SLC44A4: variants seen among roughly 807,000 people sequenced by gnomAD.
SLC44A4 encodes the protein choline transporter-like protein 4.
SLC44A4 carries 74 observed loss-of-function variants against 97.0 expected under a neutral mutation model. The observed-to-expected ratio is 0.76, with a 90% CI of 0.63 to 0.93. SLC44A4 has a LOEUF of 0.93. Ranked by LOEUF, SLC44A4 falls within the 40% of genes least tolerant of loss-of-function variation. The pLI is 0.00. For synonymous variants in SLC44A4, 325 were observed against 363.8 expected, an observed-to-expected ratio of 0.89 and a Z score of 1.21; for missense variants, 799 against 902.9, an observed-to-expected ratio of 0.88 and a Z score of 1.48.
chr6:31,867,314 C>T (rs1251375384), intron 13 of SLC44A4, among the ~76,000 whole-genome samples: 1 of 150,816 alleles, frequency 6.6e-6, no homozygotes, highest in Non-Finnish European at 1.5e-5. Context: ...AGGTTGGTCT[C>T]GAACTCTGGA....
In SLC44A4 at chr6:31,865,851, C is replaced by G; in HGVS notation, c.1487+22G>C. On this transcript the variant is annotated intron_variant, in intron 14 of 20. Coordinates refer to ENST00000229729, the MANE Select transcript of SLC44A4 (RefSeq NM_025257.3). The surrounding 1 kb of genome is among the most constrained non-coding windows in gnomAD (Gnocchi z 5.2). Reference sequence around the variant, plus strand: ...CTGGGGCCCCCGTGCCTACAATGACCAGGCCCCTGCCCCATCCTTACCGGA... The same window carrying G: ...CTGGGGCCCCCGTGCCTACAATGACGAGGCCCCTGCCCCATCCTTACCGGA... 1 of 1,613,976 alleles carries G rather than the reference C, an allele frequency of 6.2e-7. No homozygotes were observed. The highest frequency in any genetic ancestry group is 1.3e-5 in the African/African-American group (1 of 75,020).
Position 31,870,687 on chromosome 6 carries a change from A to G in SLC44A4, c.953T>C (p.Val318Ala). 1.2e-6 allele frequency: 2 copies of G among 1,611,448 alleles called. No individual in the cohort carries two copies. The highest frequency in any genetic ancestry group is 1.7e-6 in the Non-Finnish European group (2 of 1,179,266). ...TWLAALIVLA[V>A]LEAILLLMLI... ...CATCAGCAGCAGGATGGCTTCAAGC[A>G]CCGCCAACACGATCACTGCAGAGGA... The change falls in exon 11 of 21, where the codon GTG (valine) becomes GCG (alanine). Residue 318 changes from valine to alanine, a missense_variant. By Grantham distance (64) the Val-to-Ala change is moderately conservative. Around this residue, in one of 3 missense-constraint regions of SLC44A4, gnomAD observed 409 missense variants for 434.1 expected, o/e 0.94. Coordinates refer to ENST00000229729, the MANE Select transcript of SLC44A4 (RefSeq NM_025257.3).
intron 13 of SLC44A4, among the ~76,000 whole-genome samples, chr6:31,868,291 G>A (rs1044788372): frequency 6.6e-6 from 1 of 152,182 alleles, no homozygotes; most frequent in Non-Finnish European, 1.5e-5. Flanking sequence ...CGGGTCCCCC[G>A]CAGGGAGTCC....
chr6:31,877,636 C>G lies in SLC44A4; in HGVS notation c.41-554G>C, dbSNP rs1291748688. ...CCCCAGCAGGGCCTGGGGAGGGAAG[C>G]GGCCCTGTACATCCTCACTCTGGTG... On this transcript the variant is annotated intron_variant, in intron 1 of 20. Transcript: ENST00000229729. The surrounding 1 kb of genome is among the most constrained non-coding windows in gnomAD (Gnocchi z 6.5). 3 of 986,698 alleles carry G rather than the reference C, an allele frequency of 3.0e-6. No homozygotes were observed. The highest frequency in any genetic ancestry group is 3.6e-6 in the Non-Finnish European group (3 of 830,796). 61.1% of individuals were successfully genotyped at this position (986,698 alleles called of 1,614,324 possible).
Position 31,865,148 on chromosome 6 carries a change from TA to T in SLC44A4, c.1761-69del. 6.3e-7 allele frequency: 1 copy of T among 1,583,058 alleles called. No homozygotes were observed. Among genetic ancestry groups the T allele is most frequent in the African/African-American group, 1.3e-5 (1 of 74,398 alleles). On this transcript the variant is annotated intron_variant, in intron 17 of 20. Coordinates refer to ENST00000229729, the MANE Select transcript of SLC44A4 (RefSeq NM_025257.3). The surrounding 1 kb of genome is among the most constrained non-coding windows in gnomAD (Gnocchi z 5.2). ...AATGCTGAGAGTGAAATTGGCTTCG[TA>T]ATTTGTGGGGACTGGTGCAAAATGA...
At chr6:31,866,219 C>T in intron 13 of SLC44A4, 93 bp from the exon 14 acceptor site, 1 of 1,475,994 alleles carries the variant, frequency 6.8e-7, no homozygotes, top group African/African-American at 1.4e-5. Context: ...CTGCCCCTCC[C>T]AGAGTTGACA....
chr6:31,865,195 T>C lies in SLC44A4; in HGVS notation c.1761-115A>G. On this transcript the variant is annotated intron_variant, in intron 17 of 20. Coordinates refer to ENST00000229729, the MANE Select transcript of SLC44A4 (RefSeq NM_025257.3). This position sits in a 1 kb window ranked among gnomAD's most constrained non-coding sequence, Gnocchi z 5.2. Reference sequence around the variant, plus strand: ...AATGAAAATTGTTCACGTTTCAAGATGGCAAGAGCAGAGCACTAAACTAAG... The same window carrying C: ...AATGAAAATTGTTCACGTTTCAAGACGGCAAGAGCAGAGCACTAAACTAAG... 2.0e-6 allele frequency: 3 copies of C among 1,529,246 alleles called. No homozygotes were observed. Among genetic ancestry groups the C allele is most frequent in the Middle Eastern group, 1.7e-4 (1 of 5,924 alleles). The allele number at this position is 1,529,246 out of a possible 1,614,324, so 94.7% of individuals were successfully genotyped here. A position where few individuals can be genotyped will look rare whatever the true frequency, so the allele number is the denominator to read the frequency against.
Position 31,874,456 on chromosome 6 carries a change from T to C in SLC44A4, c.529+4A>G, listed in dbSNP as rs1325091671. 6.2e-7 allele frequency: 1 copy of C among 1,613,042 alleles called. No homozygotes were observed. The highest frequency in any genetic ancestry group is 1.7e-5 in the Admixed American group (1 of 60,036). On this transcript the variant is annotated splice_donor_region_variant and intron_variant, in intron 7 of 20. Coordinates refer to ENST00000229729, the MANE Select transcript of SLC44A4 (RefSeq NM_025257.3). The surrounding 1 kb of genome is among the most constrained non-coding windows in gnomAD (Gnocchi z 4.8). ...CGTCTGAGGAAGGAATCTGTGCTTCTCACCTGGAGCAGAGGGGAGGAGGAA... is the reference window on the plus strand; with the variant it reads ...CGTCTGAGGAAGGAATCTGTGCTTCCCACCTGGAGCAGAGGGGAGGAGGAA...
Position 31,878,864 on chromosome 6 carries a change from G to C in SLC44A4, c.40+77C>G. 4.6e-6 allele frequency: 7 copies of C among 1,512,916 alleles called. No individual in the cohort carries two copies. Among genetic ancestry groups the C allele is most frequent in the Non-Finnish European group, 6.4e-6 (7 of 1,088,456 alleles). 93.7% of individuals were successfully genotyped at this position (1,512,916 alleles called of 1,614,324 possible). On this transcript the variant is annotated intron_variant, in intron 1 of 20. Coordinates refer to ENST00000229729, the MANE Select transcript of SLC44A4 (RefSeq NM_025257.3). The surrounding 1 kb of genome is among the most constrained non-coding windows in gnomAD (Gnocchi z 4.0). ...ACTCTCCTTAGTTCCTCTCCCTGGA[G>C]CCAGCCCCAGACACCATTCCCAAAG...
chr6:31,863,484 T>A lies in SLC44A4; in HGVS notation c.*143A>T. The A allele has an allele frequency of 8.1e-7, 1 of 1,227,644 alleles. No individual in the cohort carries two copies. The allele number at this position is 1,227,644 out of a possible 1,614,324, so 76.0% of individuals were successfully genotyped here. On this transcript the variant is annotated 3_prime_UTR_variant, in exon 21 of 21. Coordinates refer to ENST00000229729, the MANE Select transcript of SLC44A4 (RefSeq NM_025257.3). ...CAGGTGATCCGCCCGCCTCAGCCTCTCAAAGTGTTGGATTACAGGCGTGAG... is the reference window on the plus strand; with the variant it reads ...CAGGTGATCCGCCCGCCTCAGCCTCACAAAGTGTTGGATTACAGGCGTGAG...
At chr6:31,867,710 C>A (rs1226610672) in intron 13 of SLC44A4, among the ~76,000 whole-genome samples, 1 of 151,216 alleles carries the variant, frequency 6.6e-6, no homozygotes, top group African/African-American at 2.4e-5. Context: ...TGTGTAACAG[C>A]CTTTTTTTCA....
Position 31,874,821 on chromosome 6 carries a change from T to A in SLC44A4, c.368A>T (p.Asp123Val), listed in dbSNP as rs12661281. The change falls in exon 6 of 21, where the codon GAC becomes GTC. Residue 123 changes from aspartate (D) to valine (V), a missense_variant. Coordinates refer to ENST00000229729, the MANE Select transcript of SLC44A4 (RefSeq NM_025257.3). This position sits in a 1 kb window ranked among gnomAD's most constrained non-coding sequence, Gnocchi z 4.8. ...CTCGTTTTTTCCCACAGTCCATGGG[T>A]CCTCCGGGCAGGAGGACACACACAC... ...PQVCVSSCPE[D>V]PWTVGKNEFS... The A allele has an allele frequency of 0.13, 215,633 of 1,612,436 alleles. 16,109 individuals are homozygous for A. The highest frequency in any genetic ancestry group is 0.21 in the Admixed American group (12,679 of 59,694).
rs1763187396 is a variant in SLC44A4, at chr6:31,871,660, G to C, written c.530-99C>G. 3.4e-6 allele frequency: 3 copies of C among 882,642 alleles called. No individual in the cohort carries two copies. The South Asian group carries it at 4.3e-5, about 13-fold the overall frequency. The allele number at this position is 882,642 out of a possible 1,614,324, so 54.7% of individuals were successfully genotyped here. ...CCACAGTGCCCTTAGGGGAGGGAAG[G>C]GTGATGGGCCTTGCATCCCTCAGTG... On this transcript the variant is annotated intron_variant, in intron 7 of 20. Transcript: ENST00000229729.
Position 31,865,014 on chromosome 6 carries a change from G to A in SLC44A4, c.1827C>T (p.Gly609=), listed in dbSNP as rs577565834. 6 of 1,613,822 alleles carry A rather than the reference G, an allele frequency of 3.7e-6. No individual in the cohort carries two copies. The highest frequency in any genetic ancestry group is 4.5e-5 in the East Asian group (2 of 44,890). ...LFFGKLLVVG[G]VGVLSFFFFS... ...CCACAGCTTCTGGTCCCTTACCCAC[G>A]CCTCCGACCACCAGCAGCTTCCCAA... The change falls in exon 18 of 21, where the codon GGC becomes GGT. Residue 609 remains glycine, a synonymous_variant. Coordinates refer to ENST00000229729, the MANE Select transcript of SLC44A4 (RefSeq NM_025257.3). The surrounding 1 kb of genome is among the most constrained non-coding windows in gnomAD (Gnocchi z 5.2).
rs947743756 is a variant in SLC44A4 at position 31,878,045 on chromosome 6, C to T, written c.40+896G>A. The T allele has an allele frequency of 6.6e-6, 1 of 152,158 alleles. No homozygotes were observed. The highest frequency in any genetic ancestry group is 2.4e-5 in the African/African-American group (1 of 41,374). 9.4% of individuals were successfully genotyped at this position (152,158 alleles called of 1,614,324 possible). A position where few individuals can be genotyped will look rare whatever the true frequency, so the allele number is the denominator to read the frequency against. ...AAGGTCCCTCATAGGGGTTCCTTCC[C>T]CTTCAGACCAGAAGACCAGGGGGGC... On this transcript the variant is annotated intron_variant, in intron 1 of 20. Transcript: ENST00000229729. The surrounding 1 kb of genome is among the most constrained non-coding windows in gnomAD (Gnocchi z 4.0).
At chr6:31,869,406 G>T in intron 12 of SLC44A4, 139 bp downstream of exon 12, 1 of 944,180 alleles carries the variant, frequency 1.1e-6, no homozygotes, top group Non-Finnish European at 1.6e-6. Context: ...ACTCTGTTCA[G>T]GCACAGTGCT....
At chr6:31,871,439 G>A in intron 8 of SLC44A4, 35 bp downstream of exon 8, 1 of 1,613,320 alleles carries the variant, frequency 6.2e-7, no homozygotes. Context: ...GGGTGGAAGG[G>A]GTGTGGCCAG....
chr6:31,868,796 AAAACAAAC>A (rs3037223), intron 13 of SLC44A4, among the ~76,000 whole-genome samples: 29,400 of 148,726 alleles, frequency 0.2, 3,986 homozygotes, highest in African/African-American at 0.38. Flanking sequence ...ACCCTGTCTC[AAAACAAAC>A]AAACAAACAA....
chr6:31,873,474 T>C (rs1267199548), intron 7 of SLC44A4, among the ~76,000 whole-genome samples: 1 of 151,796 alleles, frequency 6.6e-6, no homozygotes, highest in African/African-American at 2.4e-5. Flanking sequence ...TGAGCCACCA[T>C]GCCTGGCCTA....
Sources: gnomAD v4.1 joint callset for allele counts (sites outside exome capture counted in the v4.1 genomes callset) on GRCh38, gnomAD v4.1.1 for gene constraint, gnomAD v4.1.1 regional missense constraint, Gnocchi (gnomAD v3.1) non-coding constraint, MANE v1.5 for transcripts, NCBI Gene and HGNC (gene_info 2026-07-23, HGNC 2026-07-21) for gene names.